The following ACYP2 variants were observed in gnomAD, a reference collection of about 807,000 sequenced individuals.
ACYP2 encodes the protein acylphosphatase 2, also known as acylphosphatase-2.
Under a neutral mutation model 11.2 loss-of-function variants are expected in ACYP2, and 12 were observed. That is an observed-to-expected ratio of 1.08 (90% CI 0.69 to 1.74). ACYP2 has a LOEUF of 1.74. ACYP2 is among the 40% of genes most tolerant of loss of function. ACYP2 has a pLI of 0.00. For synonymous variants in ACYP2, 43 were observed against 32.2 expected (o/e 1.33, Z -1.13); for missense variants, 134 against 101.9 (o/e 1.31, Z -1.35).
intron 6 of ACYP2, chr2:54,255,717 C>T (rs1573001590): frequency 6.2e-7 from 1 of 1,614,002 alleles, no homozygotes. Context: ...CCTCGGCCTT[C>T]CCCTCTGCAA....
At chr2:54,063,555 G>A (rs1676578857) in intron 4 of ACYP2, among the ~76,000 whole-genome samples, 2 of 152,124 alleles carry the variant, frequency 1.3e-5, no homozygotes. Flanking sequence ...AGAGAAATCA[G>A]GCAATTTACT....
chr2:53,972,584 G>T (rs1671215890), intron 1 of ACYP2, among the ~76,000 whole-genome samples: 1 of 152,122 alleles, frequency 6.6e-6, no homozygotes, highest in South Asian at 2.1e-4. Context: ...TCCAGCCTGG[G>T]TGGCAGAGCG....
At chr2:54,176,175 G>C (rs1181231240) in intron 6 of ACYP2, among the ~76,000 whole-genome samples, 1 of 152,120 alleles carries the variant, frequency 6.6e-6, no homozygotes, top group Admixed American at 6.6e-5. Flanking sequence ...CATCCCCCTA[G>C]CATAAGGACC....
At chr2:54,036,885 G>T (rs961982551) in intron 2 of ACYP2, among the ~76,000 whole-genome samples, 1 of 152,112 alleles carries the variant, frequency 6.6e-6, no homozygotes, top group Non-Finnish European at 1.5e-5. Context: ...GTTACCTCCT[G>T]CGTGGCCCCT....
intron 6 of ACYP2, among the ~76,000 whole-genome samples, chr2:54,201,636 C>CTTTCTTTCTTTTT (rs59874821): frequency 1.1e-5 from 1 of 93,662 alleles, no homozygotes; most frequent in African/African-American, 4.3e-5. Flanking sequence ...TTCTTTCTTT[C>CTTTCTTTCTTTTT]TCTTTCTTTC....
chr2:54,031,079 T>C (rs1188673512), intron 2 of ACYP2, among the ~76,000 whole-genome samples: 1 of 152,180 alleles, frequency 6.6e-6, no homozygotes, highest in African/African-American at 2.4e-5. Flanking sequence ...CAGCAGGTTA[T>C]GTCTCATTGG....
intron 4 of ACYP2, among the ~76,000 whole-genome samples, chr2:54,083,577 T>A (rs978991766): frequency 6.8e-6 from 1 of 147,516 alleles, no homozygotes; most frequent in Middle Eastern, 3.4e-3. Flanking sequence ...GAAAGGATAG[T>A]GAAACCAGGA....
chr2:54,012,385 C>CA lies in ACYP2; in HGVS notation c.63-38572dup, dbSNP rs539520032. 2.3e-3 allele frequency among the ~76,000 whole-genome samples: 350 copies of CA among 152,262 alleles called. 1 individual carries two copies. The highest frequency in any genetic ancestry group is 8.2e-3 in the African/African-American group (342 of 41,560). ...AATAAACATTAGCCAGGCATGGTGGCACATGCTTGTAGTTCAGCTACTCAG... is the reference window on the plus strand; with the variant it reads ...AATAAACATTAGCCAGGCATGGTGGCAACATGCTTGTAGTTCAGCTACTCAG... On this transcript the variant is annotated intron_variant, in intron 2 of 6. Coordinates refer to ENST00000607452, the MANE Select transcript of ACYP2 (RefSeq NM_001320586.2).
chr2:54,162,343 G>T (rs992254065), intron 6 of ACYP2, among the ~76,000 whole-genome samples: 1 of 152,126 alleles, frequency 6.6e-6, no homozygotes, highest in African/African-American at 2.4e-5. Flanking sequence ...CTACCTTCTT[G>T]TAACATAAAT....
intron 2 of ACYP2, among the ~76,000 whole-genome samples, chr2:54,048,494 T>A (rs564261153): frequency 6.6e-6 from 1 of 152,334 alleles, no homozygotes; most frequent in African/African-American, 2.4e-5. Context: ...AGCCACTTTT[T>A]AAAAATTAAA....
intron 6 of ACYP2, among the ~76,000 whole-genome samples, chr2:54,209,499 T>A (rs1347878165): frequency 6.6e-6 from 1 of 152,172 alleles, no homozygotes; most frequent in Non-Finnish European, 1.5e-5. Context: ...AATAACAATA[T>A]TAAGACATTG....
chr2:54,186,627 C>G (rs1684012909), intron 6 of ACYP2, among the ~76,000 whole-genome samples: 1 of 152,076 alleles, frequency 6.6e-6, no homozygotes, highest in Non-Finnish European at 1.5e-5. Context: ...GATTCTTCTG[C>G]CTCAGCCTCC....
chr2:54,267,522 A>G (rs147215279), intron 6 of ACYP2, among the ~76,000 whole-genome samples: 255 of 152,294 alleles, frequency 1.7e-3, no homozygotes, highest in African/African-American at 5.8e-3. Context: ...CTAGTGACCA[A>G]TTGTTGACAT....
rs935868054 is a variant in ACYP2, at chr2:54,264,075, G to A, written c.405-40613G>A. ...TCACTGACTTCAAGAATGAAACGACGGACCCTCGCGATGAGTGTTCTTAAA... is the reference window on the plus strand; with the variant it reads ...TCACTGACTTCAAGAATGAAACGACAGACCCTCGCGATGAGTGTTCTTAAA... On this transcript the variant is annotated intron_variant, in intron 6 of 6. Coordinates refer to ENST00000607452, the MANE Select transcript of ACYP2 (RefSeq NM_001320586.2). Among the ~76,000 whole-genome samples the A allele has an allele frequency of 2.0e-5, 3 of 152,106 alleles. No individual in the cohort carries two copies. The South Asian group carries it at 6.2e-4, about 31-fold the overall frequency.
intron 2 of ACYP2, among the ~76,000 whole-genome samples, chr2:53,986,825 A>G (rs1045907655): frequency 4.6e-5 from 7 of 151,846 alleles, no homozygotes; most frequent in African/African-American, 1.7e-4. Context: ...CGGTTTCACC[A>G]TCTTGGCCAG....
At chr2:54,007,161 A>AG (rs1553352869) in intron 2 of ACYP2, among the ~76,000 whole-genome samples, 1 of 141,278 alleles carries the variant, frequency 7.1e-6, no homozygotes, top group South Asian at 2.1e-4. Flanking sequence ...AAAAAAAAAA[A>AG]AAAGAAAGAA....
intron 6 of ACYP2, among the ~76,000 whole-genome samples, chr2:54,165,055 G>T (rs1477157642): frequency 6.6e-6 from 1 of 152,064 alleles, no homozygotes; most frequent in Non-Finnish European, 1.5e-5. Context: ...CCTTTTTATG[G>T]CTGTATAGTA....
intron 6 of ACYP2, among the ~76,000 whole-genome samples, chr2:54,222,527 G>A (rs1160965117): frequency 4.0e-5 from 6 of 148,430 alleles, no homozygotes; most frequent in African/African-American, 1.5e-4. Context: ...ACCAGCCTGG[G>A]TGACAGAGCG....
chr2:54,200,437 CCCTGGCAA>C (rs1684706818), intron 6 of ACYP2, among the ~76,000 whole-genome samples: 1 of 152,142 alleles, frequency 6.6e-6, no homozygotes, highest in African/African-American at 2.4e-5. Flanking sequence ...TACCCTCAAA[CCCTGGCAA>C]CCACTAATCT....
Sources: gnomAD v4.1 joint callset for allele counts (sites outside exome capture counted in the v4.1 genomes callset) on GRCh38, gnomAD v4.1.1 for gene constraint, MANE v1.5 for transcripts, NCBI Gene and HGNC (gene_info 2026-07-23, HGNC 2026-07-21) for gene names.